The following PCED1B variants were observed in gnomAD, a reference collection of about 807,000 sequenced individuals.
The protein encoded by PCED1B is PC-esterase domain containing 1B.
For missense variants in PCED1B, 573 were observed against 573.9 expected (o/e 1.00, Z 0.02); for synonymous variants, 251 against 246.1 (o/e 1.02, Z -0.19).
chr12:47,151,060 AT>A (rs1940973760), intron 2 of PCED1B, among the ~76,000 whole-genome samples: 1 of 151,924 alleles, frequency 6.6e-6, no homozygotes, highest in Non-Finnish European at 1.5e-5. Context: ...TGTATACTGT[AT>A]TTTATTCTGA....
intron 2 of PCED1B, among the ~76,000 whole-genome samples, chr12:47,197,861 G>A (rs1942653245): frequency 6.6e-6 from 1 of 152,042 alleles, no homozygotes; most frequent in Non-Finnish European, 1.5e-5. Context: ...TAGATAATCT[G>A]AATTAGCCAA....
chr12:47,171,810 T>G lies in PCED1B; in HGVS notation c.-525-44412T>G, dbSNP rs74712279. Among the ~76,000 whole-genome samples, 2 of 151,816 alleles carry G rather than the reference T, an allele frequency of 1.3e-5. 1 individual carries two copies. Among genetic ancestry groups the G allele is most frequent in the African/African-American group, 4.8e-5 (2 of 41,288 alleles). On this transcript the variant is annotated intron_variant, in intron 2 of 3. Coordinates refer to ENST00000546455, the MANE Select transcript of PCED1B (RefSeq NM_138371.3). The stretch of plus-strand genomic sequence containing the variant: ...AACGTTTCTTCTTCTTCTTCTTCTT[T>G]TTTTCTTCCTCTTCTTCTTCTTCTT...
At chr12:47,192,701 T>G (rs2137664860) in intron 2 of PCED1B, among the ~76,000 whole-genome samples, 1 of 152,294 alleles carries the variant, frequency 6.6e-6, no homozygotes, top group Non-Finnish European at 1.5e-5. Flanking sequence ...CTCCCAGGGC[T>G]CTCCATAGCA....
chr12:47,159,104 C>G (rs1941287952), intron 2 of PCED1B, among the ~76,000 whole-genome samples: 2 of 152,096 alleles, frequency 1.3e-5, no homozygotes, highest in Non-Finnish European at 2.9e-5. Flanking sequence ...GAATAGTATT[C>G]CATTATGTAT....
At chr12:47,138,722 T>C (rs909093410) in intron 2 of PCED1B, among the ~76,000 whole-genome samples, 1 of 152,140 alleles carries the variant, frequency 6.6e-6, no homozygotes, top group African/African-American at 2.4e-5. Flanking sequence ...TTATAACATA[T>C]AGGGGTCTAC....
At chr12:47,194,573 G>C (rs1156262876) in intron 2 of PCED1B, among the ~76,000 whole-genome samples, 2 of 152,188 alleles carry the variant, frequency 1.3e-5, no homozygotes, top group South Asian at 2.1e-4. Flanking sequence ...TTAGTGTAAA[G>C]AAAATCAATC....
At chr12:47,227,200 G>A (rs1943657770) in intron 3 of PCED1B, among the ~76,000 whole-genome samples, 1 of 152,050 alleles carries the variant, frequency 6.6e-6, no homozygotes, top group Non-Finnish European at 1.5e-5. Context: ...GTCTCGCTCT[G>A]TCACCCAGTC....
At position 47,107,052 on chromosome 12, in the gene PCED1B, T is replaced by C. The variant is rs997538615; in HGVS notation, c.-526+2857T>C. 3.9e-5 allele frequency among the ~76,000 whole-genome samples: 6 copies of C among 152,252 alleles called. No individual in the cohort carries two copies. In the East Asian group the frequency reaches 1.2e-3, roughly 29 times the overall value. On this transcript the variant is annotated intron_variant, in intron 2 of 3. Coordinates refer to ENST00000546455, the MANE Select transcript of PCED1B (RefSeq NM_138371.3). ...CCGGCCAGGGCTCAAGCATAGGAAG[T>C]CCTGAAGTTCTGATTTTCTTGGTTA... is the stretch of plus-strand genomic sequence containing the variant.
intron 2 of PCED1B, among the ~76,000 whole-genome samples, chr12:47,185,754 T>TA (rs573160611): frequency 2.3e-4 from 34 of 149,878 alleles, no homozygotes; most frequent in Non-Finnish European, 4.9e-4. Flanking sequence ...GTGGTACTAC[T>TA]ACTCCAGCTT....
chr12:47,155,628 A>G (rs890859860), intron 2 of PCED1B, among the ~76,000 whole-genome samples: 10 of 152,204 alleles, frequency 6.6e-5, no homozygotes, highest in Non-Finnish European at 1.5e-4. Context: ...TATAAGTACC[A>G]CTTTACAAGG....
intron 2 of PCED1B, among the ~76,000 whole-genome samples, chr12:47,148,168 A>G (rs950039556): frequency 2.6e-5 from 4 of 152,136 alleles, no homozygotes; most frequent in African/African-American, 9.7e-5. Context: ...ATAACAACCC[A>G]TTTTCACAAT....
At chr12:47,118,338 T>G (rs902313531) in intron 2 of PCED1B, among the ~76,000 whole-genome samples, 1 of 152,216 alleles carries the variant, frequency 6.6e-6, no homozygotes, top group African/African-American at 2.4e-5. Context: ...AACATGTAAG[T>G]CTTTAATCCA....
chr12:47,215,704 T>C (rs1411126364), intron 2 of PCED1B, among the ~76,000 whole-genome samples: 1 of 152,228 alleles, frequency 6.6e-6, no homozygotes, highest in Non-Finnish European at 1.5e-5. Context: ...TCCTGTAGTG[T>C]GGACTGAGCC....
intron 2 of PCED1B, among the ~76,000 whole-genome samples, chr12:47,185,523 T>C (rs1942227603): frequency 6.6e-6 from 1 of 152,188 alleles, no homozygotes; most frequent in Admixed American, 6.5e-5. Context: ...GCACGGTGGC[T>C]CACACCTGTA....
chr12:47,113,099 A>G (rs1259362550), intron 2 of PCED1B, among the ~76,000 whole-genome samples: 3 of 152,334 alleles, frequency 2.0e-5, no homozygotes, highest in Admixed American at 2.0e-4. Flanking sequence ...TGTCTTATTC[A>G]TTCTGTAAAG....
At chr12:47,130,216 A>C (rs1470043057) in intron 2 of PCED1B, among the ~76,000 whole-genome samples, 1 of 152,226 alleles carries the variant, frequency 6.6e-6, no homozygotes, top group Non-Finnish European at 1.5e-5. Context: ...TACACACAAT[A>C]AAATAAAAAG....
At chr12:47,196,780 G>A (rs991489860) in intron 2 of PCED1B, among the ~76,000 whole-genome samples, 1 of 152,090 alleles carries the variant, frequency 6.6e-6, no homozygotes, top group South Asian at 2.1e-4. Flanking sequence ...AGCCAAGATC[G>A]TGCCACTGCA....
intron 1 of PCED1B, among the ~76,000 whole-genome samples, chr12:47,080,940 G>T (rs975820271): frequency 1.3e-5 from 2 of 152,166 alleles, no homozygotes; most frequent in African/African-American, 4.8e-5. Context: ...TGTGCGCGGA[G>T]GCTCTTCATC....
At chr12:47,229,189 G>A (rs983233534) in intron 3 of PCED1B, among the ~76,000 whole-genome samples, 1 of 151,910 alleles carries the variant, frequency 6.6e-6, no homozygotes, top group Non-Finnish European at 1.5e-5. Flanking sequence ...TGAGGAGGGT[G>A]GATCACCTGA....
Sources: gnomAD v4.1 joint callset for allele counts (sites outside exome capture counted in the v4.1 genomes callset) on GRCh38, gnomAD v4.1.1 for gene constraint, MANE v1.5 for transcripts, NCBI Gene and HGNC (gene_info 2026-07-23, HGNC 2026-07-21) for gene names.